CEP112: variants seen among roughly 807,000 people sequenced by gnomAD.
The protein encoded by CEP112 is centrosomal protein of 112 kDa.
CEP112 carries 127 observed loss-of-function variants against 153.0 expected under a neutral mutation model. The observed-to-expected ratio is 0.83, with a 90% CI of 0.72 to 0.96. The LOEUF is 0.96. CEP112 is among the 40% of genes least tolerant of loss of function. CEP112 has a pLI of 0.00. For missense variants in CEP112, 1,089 were observed against 1,101.2 expected (o/e 0.99, Z 0.16); for synonymous variants, 358 against 374.4 (o/e 0.96, Z 0.51).
intron 20 of CEP112, among the ~76,000 whole-genome samples, chr17:65,871,755 A>G (rs2058677570): frequency 6.6e-6 from 1 of 152,230 alleles, no homozygotes; most frequent in Admixed American, 6.5e-5. Flanking sequence ...TATCCTCGCT[A>G]GACAACTTGA....
chr17:65,933,426 A>C (rs928442305), intron 18 of CEP112, among the ~76,000 whole-genome samples: 1 of 152,222 alleles, frequency 6.6e-6, no homozygotes, highest in Admixed American at 6.5e-5. Context: ...AGAATTCTGA[A>C]AACCAAAAGA....
chr17:65,851,810 C>T lies in CEP112; in HGVS notation c.2388G>A (p.Leu796=), dbSNP rs150567970. The T allele has an allele frequency of 8.1e-5, 131 of 1,608,314 alleles. No homozygotes were observed. The African/African-American group carries it at 1.5e-3, about 18-fold the overall frequency. Residue 796 remains leucine (L), a synonymous_variant, in exon 21 of 27, where the codon CTG becomes CTA. Coordinates refer to ENST00000535342, the MANE Select transcript of CEP112 (RefSeq NM_001199165.4). ...KTHAAETEMT[L]EKANSKLKQI... ...AACTAGTTAAATATCTTACCTTTTC[C>T]AGTGTCATCTCTGTCTCAGCAGCAT... is the stretch of plus-strand genomic sequence containing the variant.
intron 12 of CEP112, among the ~76,000 whole-genome samples, chr17:66,035,105 G>A (rs2065677058): frequency 6.7e-6 from 1 of 150,350 alleles, no homozygotes; most frequent in African/African-American, 2.4e-5. Context: ...CTCCCAAAGT[G>A]CTAGGATTAC....
intron 24 of CEP112, among the ~76,000 whole-genome samples, chr17:65,650,453 T>C (rs1014250088): frequency 6.6e-6 from 1 of 152,122 alleles, no homozygotes; most frequent in Non-Finnish European, 1.5e-5. Flanking sequence ...AAGGAGCACT[T>C]CTAGCATTTT....
intron 1 of CEP112, among the ~76,000 whole-genome samples, chr17:66,190,333 AAAAT>A (rs1453716427): frequency 2.0e-5 from 3 of 152,282 alleles, no homozygotes; most frequent in East Asian, 3.9e-4. Context: ...TTGAAAATGA[AAAAT>A]AAATAATTTA....
chr17:65,870,783 G>C (rs1036117706), intron 20 of CEP112, among the ~76,000 whole-genome samples: 1 of 152,180 alleles, frequency 6.6e-6, no homozygotes, highest in African/African-American at 2.4e-5. Flanking sequence ...TTTCTTGACA[G>C]AGTTTCCAGG....
At chr17:65,659,708 C>T (rs969407439) in intron 24 of CEP112, among the ~76,000 whole-genome samples, 13 of 152,286 alleles carry the variant, frequency 8.5e-5, no homozygotes, top group Admixed American at 3.9e-4. Context: ...GGGAGTGTGA[C>T]GTCATCAAAA....
intron 21 of CEP112, among the ~76,000 whole-genome samples, chr17:65,786,937 T>C (rs985687869): frequency 2.6e-5 from 4 of 152,146 alleles, no homozygotes; most frequent in Non-Finnish European, 4.4e-5. Context: ...CAAATTTCTA[T>C]GGCGTGTGTC....
intron 10 of CEP112, among the ~76,000 whole-genome samples, chr17:66,064,401 A>G (rs925636762): frequency 2.0e-5 from 3 of 152,238 alleles, no homozygotes; most frequent in African/African-American, 7.2e-5. Flanking sequence ...CTTCTTTACT[A>G]AAATTATTTA....
At chr17:66,148,870 T>C (rs537118445) in intron 4 of CEP112, among the ~76,000 whole-genome samples, 9 of 152,288 alleles carry the variant, frequency 5.9e-5, no homozygotes, top group Non-Finnish European at 8.8e-5. Flanking sequence ...TTGCCTATGT[T>C]GAATACACAA....
At chr17:65,796,869 CAA>C (rs1220753944) in intron 21 of CEP112, among the ~76,000 whole-genome samples, 194 of 40,580 alleles carry the variant, frequency 4.8e-3, no homozygotes, top group African/African-American at 0.016. Flanking sequence ...CCCATCTCTA[CAA>C]AAAAAAAAAA....
chr17:66,075,967 A>T (rs1021071533), intron 8 of CEP112, among the ~76,000 whole-genome samples: 7 of 152,180 alleles, frequency 4.6e-5, no homozygotes, highest in Non-Finnish European at 1.0e-4. Flanking sequence ...GGTTTGCAGG[A>T]GACATTTCCG....
At chr17:65,935,289 T>C (rs1030062005) in intron 18 of CEP112, among the ~76,000 whole-genome samples, 13 of 152,210 alleles carry the variant, frequency 8.5e-5, no homozygotes, top group South Asian at 2.1e-4. Flanking sequence ...TTCATAGATA[T>C]GAAGGAAGAG....
chr17:65,704,792 C>A (rs560810724), intron 23 of CEP112, among the ~76,000 whole-genome samples: 1 of 152,122 alleles, frequency 6.6e-6, no homozygotes, highest in South Asian at 2.1e-4. Flanking sequence ...CTTTTTTTAA[C>A]CTTAGGATTC....
chr17:66,142,375 CT>C (rs2070739083), intron 4 of CEP112, among the ~76,000 whole-genome samples: 1 of 152,132 alleles, frequency 6.6e-6, no homozygotes, highest in Admixed American at 6.6e-5. Flanking sequence ...ATTTGTCTAT[CT>C]TTGCTTTAGT....
intron 17 of CEP112, among the ~76,000 whole-genome samples, chr17:65,984,192 T>C (rs1404884581): frequency 6.6e-6 from 1 of 151,596 alleles, no homozygotes; most frequent in African/African-American, 2.4e-5. Context: ...TTTTTTAAAC[T>C]GGCTGCTTAT....
intron 1 of CEP112, among the ~76,000 whole-genome samples, chr17:66,186,300 GTTTA>G (rs2072933274): frequency 6.6e-6 from 1 of 151,674 alleles, no homozygotes; most frequent in African/African-American, 2.4e-5. Context: ...TTTTCGTTTC[GTTTA>G]TTTCTTTCGT....
intron 20 of CEP112, among the ~76,000 whole-genome samples, chr17:65,862,662 T>G (rs2058347923): frequency 6.6e-6 from 1 of 152,192 alleles, no homozygotes; most frequent in South Asian, 2.1e-4. Context: ...TTGTATGTAT[T>G]AGTATTTAAA....
intron 20 of CEP112, among the ~76,000 whole-genome samples, chr17:65,865,302 A>G (rs2058447304): frequency 6.6e-6 from 1 of 152,114 alleles, no homozygotes; most frequent in East Asian, 1.9e-4. Context: ...TTGGCCTCCC[A>G]AAGTGCTGGG....
Sources: allele counts gnomAD v4.1 joint callset (sites outside exome capture counted in the v4.1 genomes callset), GRCh38; gene constraint gnomAD v4.1.1; transcripts MANE v1.5; gene names NCBI Gene and HGNC (gene_info 2026-07-23, HGNC 2026-07-21).